The following ZNF337 variants were observed in gnomAD, a reference collection of about 807,000 sequenced individuals.
The protein encoded by ZNF337 is zinc finger protein 337.
In ZNF337, 8 loss-of-function variants were observed where a neutral mutation model predicts 12.1. That is an observed-to-expected ratio of 0.66 (90% CI 0.39 to 1.19). ZNF337 has a LOEUF of 1.19. ZNF337 is among the 50% of genes most tolerant of loss of function. ZNF337 has a pLI of 0.01. For synonymous variants in ZNF337, 336 were observed against 320.0 expected, an observed-to-expected ratio of 1.05 and a Z score of -0.53; for missense variants, 882 against 896.6, an observed-to-expected ratio of 0.98 and a Z score of 0.21.
intron 4 of ZNF337, among the ~76,000 whole-genome samples, chr20:25,681,546 G>A (rs1197103611): frequency 6.6e-6 from 1 of 152,138 alleles, no homozygotes; most frequent in Non-Finnish European, 1.5e-5. Context: ...CTGATAGAGA[G>A]TATACTGTGT....
chr20:25,684,900 C>T (rs2065809840), intron 4 of ZNF337, among the ~76,000 whole-genome samples: 1 of 151,646 alleles, frequency 6.6e-6, no homozygotes, highest in Non-Finnish European at 1.5e-5. Context: ...ACTATATGTT[C>T]TCACTCATAA....
At chr20:25,696,082 G>T (rs1193970122) in intron 1 of ZNF337, among the ~76,000 whole-genome samples, 4 of 94,496 alleles carry the variant, frequency 4.2e-5, no homozygotes, top group Admixed American at 2.3e-4. Flanking sequence ...GCTGCCCCAC[G>T]CAGATCCCCC....
Position 25,676,403 on chromosome 20 carries a change from C to T in ZNF337, c.885G>A (p.Gln295=), listed in dbSNP as rs2065691282. The stretch of plus-strand genomic sequence containing the variant: ...TATCGTTAAACCTTCGCCCACACTC[C>T]TGGCATTCATAAGGCTTCTCTCCTG... The part of the protein sequence containing the change: ...THTGEKPYEC[Q]ECGRRFNDKS... Residue 295 remains glutamine, a synonymous_variant, in exon 5 of 5, where the codon CAG becomes CAA. Transcript: ENST00000252979. The T allele has an allele frequency of 1.2e-6, 2 of 1,614,054 alleles. No individual in the cohort carries two copies. Among genetic ancestry groups the T allele is most frequent in the South Asian group, 1.1e-5 (1 of 91,088 alleles).
chr20:25,684,464 G>T (rs2065804442), intron 4 of ZNF337, among the ~76,000 whole-genome samples: 1 of 152,118 alleles, frequency 6.6e-6, no homozygotes, highest in Non-Finnish European at 1.5e-5. Flanking sequence ...TCATTAAAAA[G>T]TCAGGAAACA....
intron 1 of ZNF337, among the ~76,000 whole-genome samples, chr20:25,688,720 C>T (rs185998787): frequency 3.0e-4 from 46 of 152,304 alleles, no homozygotes; most frequent in Admixed American, 2.1e-3. Flanking sequence ...AAAATAAAAA[C>T]GTTGGAACCC....
chr20:25,675,009 CTGAT>C lies in ZNF337; in HGVS notation c.*19_*22del. ...AAAGTTACTCTCCTGAGTGTGTCCT[CTGAT>C]GGATGGTGAGATATAACTTCAAGAT... On this transcript the variant is annotated 3_prime_UTR_variant, in exon 5 of 5. Transcript: ENST00000252979. 6.2e-7 allele frequency: 1 copy of C among 1,600,702 alleles called. No individual in the cohort carries two copies. Among genetic ancestry groups the C allele is most frequent in the Middle Eastern group, 1.7e-4 (1 of 5,990 alleles).
chr20:25,685,793 G>A, intron 3 of ZNF337, 131 bp from the exon 4 acceptor site: 5 of 1,142,612 alleles, frequency 4.4e-6, no homozygotes, highest in Non-Finnish European at 6.4e-6. Context: ...TGTCTACCAT[G>A]CTCAGAGTAC....
In ZNF337 at chr20:25,675,766, T is replaced by G; in HGVS notation, c.1522A>C (p.Arg508=). The stretch of plus-strand genomic sequence containing the variant: ...AAACGTTTCTCACCCAAGTGTGCCC[T>G]CAGGTGCTTGTTATAGGAGGACTTA... ...RDKSSYNKHL[R]AHLGEKRFFC... The change falls in exon 5 of 5, where the codon AGG becomes CGG. Residue 508 remains arginine (R), a synonymous_variant. Transcript: ENST00000252979. 6.2e-7 allele frequency: 1 copy of G among 1,613,972 alleles called. No homozygotes were observed. Among genetic ancestry groups the G allele is most frequent in the Non-Finnish European group, 8.5e-7 (1 of 1,179,980 alleles).
At position 25,675,319 on chromosome 20, in the gene ZNF337, CG is replaced by C; in HGVS notation, c.1968del (p.Phe656LeufsTer77). 1 of 1,613,142 alleles carries C rather than the reference CG, an allele frequency of 6.2e-7. No homozygotes were observed. The highest frequency in any genetic ancestry group is 8.5e-7 in the Non-Finnish European group (1 of 1,179,802). ...AAGCCTTGCCCACACACATTACACA[CG>C]AAGGGCTTCTCCCCTGAGTGTGTCC... Reference protein sequence around the residue: ...HQRTHSGEKPFVCNVCGQGFS... With the variant: ...HQRTHSGEKPXVCNVCGQGFS... On this transcript the variant is annotated frameshift_variant, in exon 5 of 5. Transcript: ENST00000252979. LOFTEE classifies it low-confidence loss of function (END_TRUNC).
chr20:25,675,539 T>C lies in ZNF337; in HGVS notation c.1749A>G (p.Leu583=). The change falls in exon 5 of 5, where the codon CTA becomes CTG. Residue 583 remains leucine, a synonymous_variant. Transcript: ENST00000252979. ...TCTGGTGGAAGAGGAGAGTTGATTT[T>C]AGGATGAAGCCTCGCCCGCAATCCT... is the stretch of plus-strand genomic sequence containing the variant. ...NCKDCGRGFI[L]KSTLLFHQKT... The C allele has an allele frequency of 6.2e-7, 1 of 1,613,164 alleles. No homozygotes were observed. The highest frequency in any genetic ancestry group is 8.5e-7 in the Non-Finnish European group (1 of 1,179,644).
rs2065686457 is a variant in ZNF337, at chr20:25,676,254, T to C, written c.1034A>G (p.Glu345Gly). 2 of 1,613,836 alleles carry C rather than the reference T, an allele frequency of 1.2e-6. No homozygotes were observed. The highest frequency in any genetic ancestry group is 1.7e-6 in the Non-Finnish European group (2 of 1,179,948). Reference sequence around the variant, plus strand: ...ACACTCCTGGCATCTGTAAGGCTTCTCTCCTGAGTGTATTCTCTTGTGCAC... The same window carrying C: ...ACACTCCTGGCATCTGTAAGGCTTCCCTCCTGAGTGTATTCTCTTGTGCAC... ...FVVHKRIHSG[E>G]KPYRCQECGR... Residue 345 changes from glutamate to glycine, a missense_variant, in exon 5 of 5, where the codon GAG (glutamate) becomes GGG (glycine). Physicochemically the swap from Glu to Gly is moderately conservative, Grantham distance 98. Transcript: ENST00000252979.
chr20:25,684,517 T>A (rs73597840), intron 4 of ZNF337, among the ~76,000 whole-genome samples: 1 of 152,122 alleles, frequency 6.6e-6, no homozygotes, highest in Non-Finnish European at 1.5e-5. Flanking sequence ...ATGCTTTTCC[T>A]CTGTTGGTGG....
chr20:25,689,134 C>CCAA (rs780456329), intron 1 of ZNF337, among the ~76,000 whole-genome samples: 15 of 66,958 alleles, frequency 2.2e-4, no homozygotes, highest in African/African-American at 7.4e-4. Flanking sequence ...GACTCCGTCA[C>CCAA]AAAAAAAAAA....
intron 1 of ZNF337, among the ~76,000 whole-genome samples, chr20:25,690,989 G>A (rs761657299): frequency 6.6e-6 from 1 of 152,160 alleles, no homozygotes; most frequent in Non-Finnish European, 1.5e-5. Context: ...TAAAGTGACG[G>A]AAACCTTCCC....
intron 1 of ZNF337, chr20:25,686,961 T>A (rs2065839720): frequency 6.5e-6 from 1 of 153,626 alleles, no homozygotes; most frequent in Non-Finnish European, 1.4e-5. Flanking sequence ...GAGTGTGAGC[T>A]GTCAGGAATA....
chr20:25,675,571 T>G lies in ZNF337; in HGVS notation c.1717A>C (p.Asn573His). The G allele has an allele frequency of 6.2e-7, 1 of 1,612,684 alleles. No individual in the cohort carries two copies. The highest frequency in any genetic ancestry group is 8.5e-7 in the Non-Finnish European group (1 of 1,179,656). Reference protein sequence around the residue: ...QWTHSGERPFNCKDCGRGFIL... With the variant: ...QWTHSGERPFHCKDCGRGFIL... ...AAGCCTCGCCCGCAATCCTTGCAATTAAATGGCCTTTCCCCCGAGTGTGTC... is the reference window on the plus strand; with the variant it reads ...AAGCCTCGCCCGCAATCCTTGCAATGAAATGGCCTTTCCCCCGAGTGTGTC... The change falls in exon 5 of 5, where the codon AAT (asparagine) becomes CAT (histidine). Residue 573 changes from asparagine (N) to histidine (H), a missense_variant. Physicochemically the swap from Asn to His is moderately conservative, Grantham distance 68 (BLOSUM62 1). Coordinates refer to ENST00000252979, the MANE Select transcript of ZNF337 (RefSeq NM_015655.4).
At chr20:25,678,599 C>T (rs974725842) in intron 4 of ZNF337, among the ~76,000 whole-genome samples, 4 of 152,112 alleles carry the variant, frequency 2.6e-5, no homozygotes, top group African/African-American at 7.2e-5. Flanking sequence ...TACTACCTCA[C>T]TTCAAAATAT....
rs747085588 is a variant in ZNF337, at chr20:25,676,763, T to A, written c.525A>T (p.Ser175=). The A allele has an allele frequency of 8.7e-6, 14 of 1,614,130 alleles. No individual in the cohort carries two copies. The East Asian group carries it at 3.1e-4, about 36-fold the overall frequency. The part of the protein sequence containing the change: ...IDKVLKGIEN[S]RWGAFKCAER... Reference sequence around the variant, plus strand: ...CTGCACACTTGAATGCTCCCCATCTTGAATTTTCTATTCCTTTCAATACTT... The same window carrying A: ...CTGCACACTTGAATGCTCCCCATCTAGAATTTTCTATTCCTTTCAATACTT... Residue 175 remains serine (S), a synonymous_variant, in exon 5 of 5, where the codon TCA becomes TCT. Coordinates refer to ENST00000252979, the MANE Select transcript of ZNF337 (RefSeq NM_015655.4).
rs752474013 is a variant in ZNF337 at position 25,675,553 on chromosome 20, G to A, written c.1735C>T (p.Arg579Ter). The change falls in exon 5 of 5, where the codon CGA becomes TGA. Residue 579 changes from arginine (R) to a stop codon, truncating the protein, a stop_gained. Coordinates refer to ENST00000252979, the MANE Select transcript of ZNF337 (RefSeq NM_015655.4). LOFTEE classifies it low-confidence loss of function (END_TRUNC). ...AGAGTTGATTTTAGGATGAAGCCTC[G>A]CCCGCAATCCTTGCAATTAAATGGC... is the stretch of plus-strand genomic sequence containing the variant. ...ERPFNCKDCG[R>*]GFILKSTLLF... is the part of the protein sequence containing the mutation. The A allele has an allele frequency of 1.5e-5, 24 of 1,613,810 alleles. No homozygotes were observed. Among genetic ancestry groups the A allele is most frequent in the Non-Finnish European group, 1.6e-5 (19 of 1,179,984 alleles).
Sources: gnomAD v4.1 joint callset for allele counts (sites outside exome capture counted in the v4.1 genomes callset) on GRCh38, gnomAD v4.1.1 for gene constraint, MANE v1.5 for transcripts, NCBI Gene and HGNC (gene_info 2026-07-23, HGNC 2026-07-21) for gene names.